The following C2orf80 variants were observed in gnomAD, a reference collection of about 807,000 sequenced individuals.
The protein encoded by C2orf80 is chromosome 2 open reading frame 80, also known as uncharacterized protein C2orf80.
C2orf80 carries 28 observed loss-of-function variants against 30.2 expected under a neutral mutation model. That is an observed-to-expected ratio of 0.93 (90% confidence interval 0.69 to 1.27). The LOEUF (loss-of-function observed/expected upper bound fraction) is 1.27. C2orf80 is among the 50% of genes most tolerant of loss of function. The pLI is 0.00. For synonymous variants in C2orf80, 80 were observed against 76.4 expected (o/e 1.05, Z -0.24); for missense variants, 220 against 231.0 (o/e 0.95, Z 0.31).
chr2:208,170,098 C>G (rs1391797070), intron 8 of C2orf80, among the ~76,000 whole-genome samples: 1 of 152,066 alleles, frequency 6.6e-6, no homozygotes, highest in Non-Finnish European at 1.5e-5. Flanking sequence ...TGATGCAAAC[C>G]CAATCATAAG....
At chr2:208,178,383 G>A (rs189275597) in intron 6 of C2orf80, among the ~76,000 whole-genome samples, 24 of 152,182 alleles carry the variant, frequency 1.6e-4, no homozygotes, top group African/African-American at 5.3e-4. Flanking sequence ...GCTCAGGCTT[G>A]TGTGTATATG....
intron 6 of C2orf80, among the ~76,000 whole-genome samples, chr2:208,177,125 A>ATATATATACATACATATAAAT (rs1553597524): frequency 2.1e-5 from 3 of 143,708 alleles, no homozygotes; most frequent in Non-Finnish European, 3.0e-5. Context: ...GCTCGATTTT[A>ATATATATACATACATATAAAT]TATATATACA....
chr2:208,171,118 C>T (rs1208583140), intron 7 of C2orf80, 55 bp from the exon 8 acceptor site: 5 of 1,161,346 alleles, frequency 4.3e-6, no homozygotes, highest in Non-Finnish European at 6.4e-6. Flanking sequence ...AAAAATGTGT[C>T]CATCCAAAGT....
chr2:208,187,319 C>A (rs1454906595), intron 1 of C2orf80, among the ~76,000 whole-genome samples: 1 of 152,150 alleles, frequency 6.6e-6, no homozygotes, highest in African/African-American at 2.4e-5. Context: ...GCAAGTAAAA[C>A]CAAAATGGTT....
chr2:208,172,145 C>G, intron 6 of C2orf80, 70 bp from the exon 7 acceptor site: 2 of 1,204,166 alleles, frequency 1.7e-6, no homozygotes, highest in Non-Finnish European at 1.2e-6. Context: ...CTAGTCACAG[C>G]ATTTGGCCTA....
chr2:208,172,422 G>A (rs1013932152), intron 6 of C2orf80, among the ~76,000 whole-genome samples: 2 of 152,056 alleles, frequency 1.3e-5, no homozygotes, highest in Non-Finnish European at 2.9e-5. Context: ...CCCCTTCCGA[G>A]AAATGTATCC....
intron 4 of C2orf80, among the ~76,000 whole-genome samples, chr2:208,181,576 G>A (rs2105909551): frequency 6.6e-6 from 1 of 152,202 alleles, no homozygotes; most frequent in South Asian, 2.1e-4. Flanking sequence ...GGATGTTGAT[G>A]GTTTTGCAAA....
chr2:208,167,434 A>C (rs1356722519), intron 8 of C2orf80, among the ~76,000 whole-genome samples: 1 of 151,856 alleles, frequency 6.6e-6, no homozygotes, highest in African/African-American at 2.4e-5. Flanking sequence ...AGACAGGAGA[A>C]TCGCTTAAAC....
chr2:208,176,950 T>C (rs113349666), intron 6 of C2orf80, among the ~76,000 whole-genome samples: 2 of 32,860 alleles, frequency 6.1e-5, no homozygotes, highest in African/African-American at 2.0e-4. Context: ...TCTGTATACA[T>C]ATCTGTATAC....
chr2:208,172,125 T>G (rs754399054), intron 6 of C2orf80, 50 bp from the exon 7 acceptor site: 1 of 1,374,838 alleles, frequency 7.3e-7, no homozygotes, highest in African/African-American at 1.4e-5. Context: ...ATCTGCGGCA[T>G]GAACACCTGC....
intron 1 of C2orf80, among the ~76,000 whole-genome samples, chr2:208,187,787 GT>G (rs199617794): frequency 1.6e-4 from 24 of 146,564 alleles, no homozygotes; most frequent in East Asian, 8.0e-4. Context: ...TGTTTCTGGT[GT>G]TTTTTTTTTA....
chr2:208,176,836 C>T (rs1316272057), intron 6 of C2orf80, among the ~76,000 whole-genome samples: 1 of 78,092 alleles, frequency 1.3e-5, no homozygotes, highest in Non-Finnish European at 2.6e-5. Context: ...CACAACCTGC[C>T]TCTCAGATAA....
At chr2:208,179,951 G>A (rs1696498447) in intron 6 of C2orf80, among the ~76,000 whole-genome samples, 1 of 152,138 alleles carries the variant, frequency 6.6e-6, no homozygotes, top group Non-Finnish European at 1.5e-5. Flanking sequence ...AGGAATTTGA[G>A]ACCAGCAGTG....
rs1337345589 is a variant in C2orf80 at position 208,180,822 on chromosome 2, AAAC to A, written c.295-9_295-7del. ...TCCTCAATCGGGATACTGTTCTGTT[AAAC>A]AACAACAGCAATAACAAAGTATGAT... On this transcript the variant is annotated splice_polypyrimidine_tract_variant and splice_region_variant and intron_variant, in intron 5 of 8. Transcript: ENST00000341287. 6.2e-7 allele frequency: 1 copy of A among 1,607,308 alleles called. No individual in the cohort carries two copies. The highest frequency in any genetic ancestry group is 1.1e-5 in the South Asian group (1 of 90,472).
At chr2:208,174,331 T>G (rs1696207419) in intron 6 of C2orf80, among the ~76,000 whole-genome samples, 1 of 152,114 alleles carries the variant, frequency 6.6e-6, no homozygotes, top group African/African-American at 2.4e-5. Flanking sequence ...ATTTTAAAAT[T>G]TCTGCACAAT....
chr2:208,189,674 CT>C (rs1696818989), intron 1 of C2orf80, among the ~76,000 whole-genome samples: 1 of 152,180 alleles, frequency 6.6e-6, no homozygotes, highest in Non-Finnish European at 1.5e-5. Context: ...GTCTATAGAG[CT>C]CTAAAGAAAA....
chr2:208,180,516 C>T (rs1696522583), intron 6 of C2orf80, among the ~76,000 whole-genome samples: 2 of 152,022 alleles, frequency 1.3e-5, no homozygotes, highest in South Asian at 4.2e-4. Flanking sequence ...ATTGCTGCCC[C>T]TTCTCAGCCG....
intron 7 of C2orf80, among the ~76,000 whole-genome samples, chr2:208,171,397 T>C (rs1352085915): frequency 6.6e-6 from 1 of 151,998 alleles, no homozygotes; most frequent in Non-Finnish European, 1.5e-5. Flanking sequence ...CTCAGCTCAC[T>C]GCAACCTCTG....
At chr2:208,177,414 G>A (rs1390846392) in intron 6 of C2orf80, among the ~76,000 whole-genome samples, 1 of 151,942 alleles carries the variant, frequency 6.6e-6, no homozygotes, top group Non-Finnish European at 1.5e-5. Context: ...GGTAACGCAT[G>A]CCTGTAATTC....
Sources: gnomAD v4.1 joint callset for allele counts (sites outside exome capture counted in the v4.1 genomes callset) on GRCh38, gnomAD v4.1.1 for gene constraint, MANE v1.5 for transcripts, NCBI Gene and HGNC (gene_info 2026-07-23, HGNC 2026-07-21) for gene names.